MPI: variants seen among roughly 807,000 people sequenced by gnomAD.
The protein encoded by MPI is mannose-6-phosphate isomerase.
Under a neutral mutation model 40.1 loss-of-function variants are expected in MPI, and 33 were observed. That is an observed-to-expected ratio of 0.82 (90% CI 0.62 to 1.10). MPI has a LOEUF of 1.10. Among genes scored for constraint, MPI ranks in the 50% least tolerant of loss-of-function variants. The probability of loss-of-function intolerance (pLI) is 0.00; values close to 1 mark genes in which losing one functional copy is unlikely to be tolerated. For synonymous variants in MPI, 187 were observed against 207.4 expected (o/e 0.90, Z 0.85); for missense variants, 514 against 524.1 (o/e 0.98, Z 0.19).
chr15:74,891,351 T>C, intron 2 of MPI, 28 bp from the exon 3 acceptor site: 2 of 1,610,304 alleles, frequency 1.2e-6, no homozygotes, highest in Non-Finnish European at 1.7e-6. Flanking sequence ...TCTTCCCCCT[T>C]CCCCTCCCAA....
At chr15:74,894,720 G>T (rs1011617872) in intron 5 of MPI, among the ~76,000 whole-genome samples, 2 of 151,066 alleles carry the variant, frequency 1.3e-5, no homozygotes, top group South Asian at 4.2e-4. Context: ...CCAGGAGGTG[G>T]AGGTTGCAGT....
rs753928850 is a variant in MPI at position 74,891,569 on chromosome 15, A to T, written c.335A>T (p.His112Leu). Residue 112 changes from histidine (H) to leucine (L), a missense_variant, in exon 3 of 8, where the codon CAC (histidine) becomes CTC (leucine). Transcript: ENST00000352410. ...SVETPLSIQAHPNKELAEKLH... is the reference protein window; with the variant it reads ...SVETPLSIQALPNKELAEKLH... The stretch of plus-strand genomic sequence containing the variant: ...GAAACACCCCTGTCCATCCAGGCAC[A>T]CCCTAACAAGGTAAAGGACAGAGTG... The T allele has an allele frequency of 6.8e-6, 11 of 1,614,150 alleles. No homozygotes were observed. Among genetic ancestry groups the T allele is most frequent in the Non-Finnish European group, 9.3e-6 (11 of 1,180,008 alleles).
At chr15:74,896,096 T>G in intron 5 of MPI, 56 bp from the exon 6 acceptor site, 1 of 1,603,938 alleles carries the variant, frequency 6.2e-7, no homozygotes, top group Non-Finnish European at 8.5e-7. Context: ...AATGTGGGGC[T>G]ATGAACAGCA....
chr15:74,893,249 A>T lies in MPI; in HGVS notation c.599A>T (p.His200Leu). Residue 200 changes from histidine to leucine, a missense_variant, in exon 5 of 8, where the codon CAC (histidine) becomes CTC (leucine). Physicochemically the swap from His to Leu is moderately conservative, Grantham distance 99 (BLOSUM62 -3). Transcript: ENST00000352410. ...TCCTCTCTGCAGAGCTGTTTCTCCC[A>T]CCTGATGAAGAGTGAGAAGAAGGTG... ...VASSLQSCFS[H>L]LMKSEKKVVV... 1 of 1,614,166 alleles carries T rather than the reference A, an allele frequency of 6.2e-7. No homozygotes were observed. Among genetic ancestry groups the T allele is most frequent in the Non-Finnish European group, 8.5e-7 (1 of 1,180,030 alleles).
At chr15:74,892,638 C>T (rs1298366774) in intron 3 of MPI, 23 bp from the exon 4 acceptor site, 1 of 1,613,824 alleles carries the variant, frequency 6.2e-7, no homozygotes, top group Non-Finnish European at 8.5e-7. Context: ...CACCATCCTC[C>T]TCTTCCCCTG....
intron 7 of MPI, 129 bp downstream of exon 7, chr15:74,897,348 GC>G: frequency 7.5e-7 from 1 of 1,333,574 alleles, no homozygotes; most frequent in Non-Finnish European, 1.1e-6. Context: ...CCCAGGGCCT[GC>G]CCATTCCTTC....
At position 74,900,618 on chromosome 15, in the gene MPI, C is replaced by T. The variant is rs1269381456; in HGVS notation, c.*2888C>T. The T allele has an allele frequency of 6.6e-6, 1 of 152,264 alleles. No individual in the cohort carries two copies. The highest frequency in any genetic ancestry group is 1.5e-5 in the Non-Finnish European group (1 of 68,070). The allele number at this position is 152,264 out of a possible 1,614,324, so 9.4% of individuals were successfully genotyped here. On this transcript the variant is annotated 3_prime_UTR_variant, in exon 8 of 8. Coordinates refer to ENST00000352410, the MANE Select transcript of MPI (RefSeq NM_002435.3). ...TTCACCTCTGCAGACACAAGAAAGG[C>T]CTGGACATGGTCTCTGCAGATGGGG...
intron 6 of MPI, 154 bp from the exon 7 acceptor site, chr15:74,896,857 A>T: frequency 1.4e-6 from 1 of 740,098 alleles, no homozygotes; most frequent in Admixed American, 2.0e-5. Flanking sequence ...TGTTTTTGGT[A>T]TTTGATATCT....
At chr15:74,890,493 G>A (rs1009704671) in intron 1 of MPI, 34 bp from the exon 2 acceptor site, 3 of 1,613,602 alleles carry the variant, frequency 1.9e-6, no homozygotes, top group South Asian at 1.1e-5. Flanking sequence ...GGCCTGAGGA[G>A]TGGAGTGGCA....
Position 74,900,795 on chromosome 15 carries a change from G to C in MPI, c.*3065G>C, listed in dbSNP as rs2064923299. 1 of 152,256 alleles carries C rather than the reference G, an allele frequency of 6.6e-6. No individual in the cohort carries two copies. The highest frequency in any genetic ancestry group is 2.4e-5 in the African/African-American group (1 of 41,442). 9.4% of individuals were successfully genotyped at this position (152,256 alleles called of 1,614,324 possible). On this transcript the variant is annotated 3_prime_UTR_variant, in exon 8 of 8. Transcript: ENST00000352410. ...AAGACCCCAAGCTGGCATGACTCTG[G>C]TCTCTGTCCTATCTCTCTGCTGTGA...
At chr15:74,891,731 G>C in intron 3 of MPI, 152 bp downstream of exon 3, 1 of 816,260 alleles carries the variant, frequency 1.2e-6, no homozygotes, top group South Asian at 1.4e-5. Context: ...GCTCTGCAAA[G>C]CCAGATGGTA....
intron 5 of MPI, among the ~76,000 whole-genome samples, chr15:74,895,141 T>TG (rs2064799081): frequency 6.7e-6 from 1 of 149,662 alleles, no homozygotes; most frequent in Non-Finnish European, 1.5e-5. Context: ...TTTTTTTTTT[T>TG]TTTTTTTGTA....
In MPI at chr15:74,900,219, TA is replaced by T. The variant is rs1225272579; in HGVS notation, c.*2492del. On this transcript the variant is annotated 3_prime_UTR_variant, in exon 8 of 8. Transcript: ENST00000352410. ...TATTTTGGTATGTGGCCACTGGCCCTAAACAACTGACCATTTCTACCCTGCC... is the reference window on the plus strand; with the variant it reads ...TATTTTGGTATGTGGCCACTGGCCCTAACAACTGACCATTTCTACCCTGCC... 2 of 152,278 alleles carry T rather than the reference TA, an allele frequency of 1.3e-5. No individual in the cohort carries two copies. Among genetic ancestry groups the T allele is most frequent in the African/African-American group, 4.8e-5 (2 of 41,444 alleles). The allele number at this position is 152,278 out of a possible 1,614,324, so 9.4% of individuals were successfully genotyped here.
At chr15:74,896,521 C>A (rs1423836143) in intron 6 of MPI, 196 bp downstream of exon 6, 2 of 711,664 alleles carry the variant, frequency 2.8e-6, no homozygotes, top group Non-Finnish European at 5.1e-6. Flanking sequence ...CGCCTTGAAT[C>A]CTGACACCAA....
Position 74,890,261 on chromosome 15 carries a change from G to A in MPI, c.16+172G>A, listed in dbSNP as rs1009233446. ...GGGGATTGACCTCCGAGGGGAGGGG[G>A]CCCTTCTAGACGTCGTGCCGTGGGA... is the stretch of plus-strand genomic sequence containing the variant. On this transcript the variant is annotated intron_variant, in intron 1 of 7. Coordinates refer to ENST00000352410, the MANE Select transcript of MPI (RefSeq NM_002435.3). 4.9e-6 allele frequency: 5 copies of A among 1,030,136 alleles called. No individual in the cohort carries two copies. In the African/African-American group the frequency reaches 6.3e-5, roughly 13 times the overall value. The allele number at this position is 1,030,136 out of a possible 1,614,324, so 63.8% of individuals were successfully genotyped here. A position where few individuals can be genotyped will look rare whatever the true frequency, so the allele number is the denominator to read the frequency against.
chr15:74,892,743 C>A lies in MPI; in HGVS notation c.428C>A (p.Thr143Asn). 1.2e-6 allele frequency: 2 copies of A among 1,614,268 alleles called. No homozygotes were observed. The highest frequency in any genetic ancestry group is 1.7e-6 in the Non-Finnish European group (2 of 1,180,044). The change falls in exon 4 of 8, where the codon ACC (threonine) becomes AAC (asparagine). Residue 143 changes from threonine to asparagine, a missense_variant. By Grantham distance (65) the Thr-to-Asn change is moderately conservative. Coordinates refer to ENST00000352410, the MANE Select transcript of MPI (RefSeq NM_002435.3). The stretch of plus-strand genomic sequence containing the variant: ...AAGCCAGAGATGGCCATTGCCCTCA[C>A]CCCCTTCCAGGGCTTGTGTGGCTTC... ...NHKPEMAIAL[T>N]PFQGLCGFRP...
Position 74,897,863 on chromosome 15 carries a change from G to A in MPI, c.*133G>A, listed in dbSNP as rs2064846413. On this transcript the variant is annotated 3_prime_UTR_variant, in exon 8 of 8. Transcript: ENST00000352410. ...ATACCCTGGAAGAGCTGGGGTGGGG[G>A]AGGAGGGAGCGTGAAGGTAGTGACT... The A allele has an allele frequency of 3.4e-6, 3 of 887,542 alleles. No homozygotes were observed. Among genetic ancestry groups the A allele is most frequent in the Admixed American group, 2.0e-5 (1 of 50,240 alleles). 55.0% of individuals were successfully genotyped at this position (887,542 alleles called of 1,614,324 possible).
rs759548380 is a variant in MPI at position 74,890,048 on chromosome 15, G to A, written c.-26G>A. 4.4e-6 allele frequency: 7 copies of A among 1,605,138 alleles called. No individual in the cohort carries two copies. In the Middle Eastern group the frequency reaches 5.4e-4, roughly 125 times the overall value. ...GGGGGCTGCCGGGAAAGGCATACGT[G>A]CTTAATCCTGGTGCAGGGGGCGAGC... On this transcript the variant is annotated 5_prime_UTR_variant, in exon 1 of 8. Transcript: ENST00000352410.
chr15:74,894,109 G>GGC (rs2141202940), intron 5 of MPI, among the ~76,000 whole-genome samples: 1 of 51,036 alleles, frequency 2.0e-5, no homozygotes, highest in South Asian at 4.6e-4. Flanking sequence ...TGTGTGTGTG[G>GGC]TCTCTTTCTG....
Sources: allele counts gnomAD v4.1 joint callset (sites outside exome capture counted in the v4.1 genomes callset), GRCh38; gene constraint gnomAD v4.1.1; transcripts MANE v1.5; gene names NCBI Gene and HGNC (gene_info 2026-07-23, HGNC 2026-07-21).